The following SAMD12 variants were observed in gnomAD, a reference collection of about 807,000 sequenced individuals.
The protein encoded by SAMD12 is sterile alpha motif domain-containing protein 12.
In SAMD12, 9 loss-of-function variants were observed where a neutral mutation model predicts 15.0. The ratio of observed to expected loss-of-function variants is 0.60; its 90% CI spans 0.36 to 1.05. The LOEUF (loss-of-function observed/expected upper bound fraction) is 1.05. Ranked by LOEUF, SAMD12 falls within the 50% of genes least tolerant of loss-of-function variation. The pLI is 0.01. For synonymous variants in SAMD12, 86 were observed against 90.1 expected (o/e 0.96, Z 0.25); for missense variants, 230 against 234.2 (o/e 0.98, Z 0.12).
intron 4 of SAMD12, among the ~76,000 whole-genome samples, chr8:118,369,892 A>G (rs1016020491): frequency 2.6e-5 from 4 of 152,176 alleles, no homozygotes; most frequent in African/African-American, 9.6e-5. Flanking sequence ...TGTCAAAAGC[A>G]GTTGCAGCGA....
At chr8:118,385,579 A>G (rs1270342885) in intron 3 of SAMD12, among the ~76,000 whole-genome samples, 1 of 152,162 alleles carries the variant, frequency 6.6e-6, no homozygotes, top group East Asian at 1.9e-4. Flanking sequence ...ATATGTGTGT[A>G]TACATATGCT....
chr8:118,165,803 A>G, the SAMD12 span, among the ~76,000 whole-genome samples: 1 of 151,796 alleles, frequency 6.6e-6, no homozygotes, highest in Non-Finnish European at 1.5e-5. Flanking sequence ...ACAATATCTG[A>G]TCTGACACGT....
At chr8:118,476,411 T>C (rs550453514) in intron 2 of SAMD12, among the ~76,000 whole-genome samples, 6 of 152,332 alleles carry the variant, frequency 3.9e-5, no homozygotes, top group African/African-American at 1.4e-4. Flanking sequence ...GGACAATACA[T>C]TTATTTTGGA....
chr8:118,457,798 C>A (rs1476235452), intron 2 of SAMD12, among the ~76,000 whole-genome samples: 4 of 152,180 alleles, frequency 2.6e-5, no homozygotes. Flanking sequence ...GCACAAATAT[C>A]CAATTAAACA....
At chr8:118,593,051 T>C (rs1827623259) in intron 1 of SAMD12, among the ~76,000 whole-genome samples, 2 of 152,200 alleles carry the variant, frequency 1.3e-5, no homozygotes, top group African/African-American at 4.8e-5. Context: ...CATAGTAACA[T>C]TCAGACTAAA....
At chr8:118,515,087 C>T (rs1456388478) in intron 2 of SAMD12, among the ~76,000 whole-genome samples, 1 of 151,928 alleles carries the variant, frequency 6.6e-6, no homozygotes, top group East Asian at 1.9e-4. Context: ...GGCGTGATCT[C>T]GGCTCACTGC....
At chr8:118,404,727 A>G (rs7817780) in intron 3 of SAMD12, among the ~76,000 whole-genome samples, 24,595 of 152,246 alleles carry the variant, frequency 0.16, 2,269 homozygotes, top group Non-Finnish European at 0.18. Flanking sequence ...AACAAGCACC[A>G]TAAATGAGGC....
chr8:118,216,482 A>C (rs28535854), intron 4 of SAMD12, among the ~76,000 whole-genome samples: 48,572 of 151,788 alleles, frequency 0.32, 8,101 homozygotes, highest in African/African-American at 0.42. Flanking sequence ...CCCATTTGTC[A>C]ATTTTGTCTT....
chr8:118,549,861 T>C (rs1826267312), intron 2 of SAMD12, among the ~76,000 whole-genome samples: 1 of 151,650 alleles, frequency 6.6e-6, no homozygotes, highest in South Asian at 2.1e-4. Context: ...AAGCCAAGGC[T>C]CCAGAACTAC....
At chr8:118,449,518 A>C (rs1171399145) in intron 2 of SAMD12, among the ~76,000 whole-genome samples, 5 of 151,550 alleles carry the variant, frequency 3.3e-5, no homozygotes, top group Admixed American at 3.3e-4. Context: ...AGAGGACAAA[A>C]GTGAGAAAAT....
rs141136521 is a variant in SAMD12 at position 118,328,675 on chromosome 8, G to A, written c.433+50885C>T. On this transcript the variant is annotated intron_variant, in intron 4 of 4. Coordinates refer to the SAMD12 transcript ENST00000409003. ...ATGTAGTGCATAGCAGGTGGATCTC[G>A]GGCTGTGTTTGAATTTAGCTTTTGC... Among the ~76,000 whole-genome samples the A allele has an allele frequency of 1.1e-3, 161 of 152,110 alleles. 1 individual carries two copies. The highest frequency in any genetic ancestry group is 0.01 in the Middle Eastern group (3 of 294).
At chr8:118,554,500 A>G (rs1466704117) in intron 2 of SAMD12, among the ~76,000 whole-genome samples, 2 of 139,208 alleles carry the variant, frequency 1.4e-5, no homozygotes, top group African/African-American at 5.4e-5. Flanking sequence ...ACATGGACAC[A>G]GGAAGGGGAA....
Position 118,360,312 on chromosome 8 carries a change from G to A in SAMD12, c.433+19248C>T, listed in dbSNP as rs913357870. ...AGTACTGGCAATTCCTGACCTGAAT[G>A]CCAGGTTAACTCAAGGGACCAATCG... On this transcript the variant is annotated intron_variant, in intron 4 of 4. Transcript: ENST00000409003. Among the ~76,000 whole-genome samples, 3 of 152,144 alleles carry A rather than the reference G, an allele frequency of 2.0e-5. No individual in the cohort carries two copies. In the East Asian group the frequency reaches 5.8e-4, roughly 29 times the overall value.
At chr8:118,186,299 TAAG>T (rs1819242149), downstream of SAMD12, among the ~76,000 whole-genome samples, 2 of 152,216 alleles carry the variant, frequency 1.3e-5, no homozygotes, top group Non-Finnish European at 2.9e-5. Context: ...ATAGGCTACT[TAAG>T]AAGAAGTTAT....
intron 2 of SAMD12, among the ~76,000 whole-genome samples, chr8:118,505,859 G>A (rs968133772): frequency 1.3e-5 from 2 of 152,008 alleles, no homozygotes; most frequent in African/African-American, 4.8e-5. Flanking sequence ...AACCAAAAGT[G>A]ATGCATTACT....
At chr8:118,250,503 ATTTTT>A (rs112780663) in intron 4 of SAMD12, among the ~76,000 whole-genome samples, 1 of 138,750 alleles carries the variant, frequency 7.2e-6, no homozygotes, top group Admixed American at 7.3e-5. Context: ...GCAAAAATGG[ATTTTT>A]TTTTTTTTTT....
At chr8:118,152,102 A>C in the SAMD12 span, among the ~76,000 whole-genome samples, 1 of 152,194 alleles carries the variant, frequency 6.6e-6, no homozygotes, top group Non-Finnish European at 1.5e-5. Context: ...AAAGTAGAAA[A>C]GGGTTCAGAA....
chr8:118,234,635 C>T (rs539618079), intron 4 of SAMD12, among the ~76,000 whole-genome samples: 190 of 140,748 alleles, frequency 1.3e-3, no homozygotes, highest in Middle Eastern at 4.3e-3. Flanking sequence ...CACTTGAACC[C>T]AGGAGACAGA....
chr8:118,481,679 T>C (rs1321972185), intron 2 of SAMD12, among the ~76,000 whole-genome samples: 1 of 151,942 alleles, frequency 6.6e-6, no homozygotes, highest in African/African-American at 2.4e-5. Context: ...AAATGGTTGA[T>C]CATAATCCCA....
Sources: gnomAD v4.1 joint callset for allele counts (sites outside exome capture counted in the v4.1 genomes callset) on GRCh38, gnomAD v4.1.1 for gene constraint, MANE v1.5 for transcripts, NCBI Gene and HGNC (gene_info 2026-07-23, HGNC 2026-07-21) for gene names.